Variants in WDFY4 observed in about 807,000 individuals in gnomAD.
WDFY4 encodes the protein WDFY family member 4.
WDFY4 carries 169 observed loss-of-function variants against 351.9 expected under a neutral mutation model. That is an observed-to-expected ratio of 0.48 (90% CI 0.42 to 0.55). WDFY4 has a LOEUF of 0.55. WDFY4 is among the 20% of genes least tolerant of loss of function. The pLI, the probability that WDFY4 is intolerant of heterozygous loss-of-function variation, is 0.00. For missense variants in WDFY4, 3,803 were observed against 3,935.6 expected, an observed-to-expected ratio of 0.97 and a Z score of 0.90; for synonymous variants, 1,622 against 1,574.6, an observed-to-expected ratio of 1.03 and a Z score of -0.71.
At chr10:48,706,552 A>G (rs567845766) in intron 1 of WDFY4, among the ~76,000 whole-genome samples, 57 of 152,226 alleles carry the variant, frequency 3.7e-4, no homozygotes, top group Admixed American at 6.5e-4. Context: ...GGTTAAAAAA[A>G]AGGGTAATAA....
chr10:48,850,161 T>C (rs1360847398), intron 39 of WDFY4, among the ~76,000 whole-genome samples: 3 of 152,346 alleles, frequency 2.0e-5, no homozygotes, highest in South Asian at 2.1e-4. Flanking sequence ...GATTCCTCTA[T>C]GGTAAAGTTA....
At chr10:48,786,964 G>C in intron 20 of WDFY4, 94 bp downstream of exon 20, 1 of 1,133,836 alleles carries the variant, frequency 8.8e-7, no homozygotes, top group Admixed American at 2.4e-5. Flanking sequence ...AATAAGCTCA[G>C]CGTTAAAGTC....
chr10:48,939,593 G>A (rs1840642125), intron 47 of WDFY4, among the ~76,000 whole-genome samples: 1 of 152,210 alleles, frequency 6.6e-6, no homozygotes. Context: ...GATAATGATG[G>A]ATGATGGATG....
chr10:48,761,276 A>T (rs1290633013), intron 13 of WDFY4, among the ~76,000 whole-genome samples: 1 of 152,172 alleles, frequency 6.6e-6, no homozygotes, highest in Non-Finnish European at 1.5e-5. Flanking sequence ...GAGCCTTGCC[A>T]ATGTAAATGA....
At chr10:48,843,653 G>A (rs1445212451) in intron 39 of WDFY4, among the ~76,000 whole-genome samples, 1 of 152,154 alleles carries the variant, frequency 6.6e-6, no homozygotes, top group African/African-American at 2.4e-5. Flanking sequence ...AGGAATACTG[G>A]GTTGAATCCT....
intron 55 of WDFY4, chr10:48,966,926 TAC>T: frequency 3.9e-6 from 2 of 511,634 alleles, no homozygotes; most frequent in South Asian, 2.9e-5. Flanking sequence ...CTCACACACA[TAC>T]ACACACAGAC....
chr10:48,968,423 C>T (rs573941809), intron 55 of WDFY4: 1 of 153,018 alleles, frequency 6.5e-6, no homozygotes, highest in East Asian at 1.9e-4. Context: ...TGGAGCCTTT[C>T]CTGAATCCTG....
At chr10:48,882,747 C>G (rs558202186) in intron 43 of WDFY4, among the ~76,000 whole-genome samples, 1 of 152,154 alleles carries the variant, frequency 6.6e-6, no homozygotes, top group Non-Finnish European at 1.5e-5. Flanking sequence ...TCTCGGAGAA[C>G]TCATTCATTA....
chr10:48,897,068 C>A (rs1837114387), intron 44 of WDFY4, among the ~76,000 whole-genome samples: 1 of 152,124 alleles, frequency 6.6e-6, no homozygotes, highest in Non-Finnish European at 1.5e-5. Context: ...CGCACAGGAC[C>A]CATGAAGCCC....
chr10:48,779,911 G>C, intron 18 of WDFY4, 30 bp from the exon 19 acceptor site: 10 of 1,550,360 alleles, frequency 6.5e-6, no homozygotes, highest in Non-Finnish European at 7.8e-6. Flanking sequence ...AGCACCACAC[G>C]TGAGACTCAG....
At chr10:48,696,200 G>A (rs564178918) in intron 1 of WDFY4, among the ~76,000 whole-genome samples, 17 of 152,318 alleles carry the variant, frequency 1.1e-4, no homozygotes, top group African/African-American at 3.6e-4. Flanking sequence ...GGGGACACTC[G>A]CTGACTGGTG....
chr10:48,729,373 C>A, intron 7 of WDFY4, 59 bp from the exon 8 acceptor site: 5 of 1,536,820 alleles, frequency 3.3e-6, no homozygotes, highest in East Asian at 2.4e-5. Flanking sequence ...GAGCACCATG[C>A]ACGCATGTGG....
chr10:48,946,993 C>T (rs997705370), intron 51 of WDFY4, 24 bp downstream of exon 51: 2 of 537,462 alleles, frequency 3.7e-6, no homozygotes, highest in Admixed American at 4.0e-5. Context: ...ACTCTCTGTA[C>T]ACACACACAC....
intron 2 of WDFY4, among the ~76,000 whole-genome samples, chr10:48,710,459 G>A (rs1025125827): frequency 6.6e-6 from 1 of 152,160 alleles, no homozygotes; most frequent in African/African-American, 2.4e-5. Context: ...GACAAGCAAG[G>A]CTCATTTCTA....
At chr10:48,935,751 G>A (rs1388449376) in intron 47 of WDFY4, among the ~76,000 whole-genome samples, 1 of 152,116 alleles carries the variant, frequency 6.6e-6, no homozygotes, top group Non-Finnish European at 1.5e-5. Context: ...TCTCTTACTT[G>A]ATTGTATGTC....
Position 48,803,382 on chromosome 10 carries a change from G to T in WDFY4, c.4484+23G>T, listed in dbSNP as rs201872209. 5.5e-5 allele frequency: 85 copies of T among 1,550,136 alleles called. No individual in the cohort carries two copies. The South Asian group carries it at 9.9e-4, about 18-fold the overall frequency. On this transcript the variant is annotated intron_variant, in intron 25 of 61. Coordinates refer to ENST00000325239, the MANE Select transcript of WDFY4 (RefSeq NM_001394531.1). The stretch of plus-strand genomic sequence containing the variant: ...AAGGTAGGCTGGGTCTTGGCAGCCT[G>T]GGGGTTAGAACTGAAGGCTGAATGT...
chr10:48,972,413 AT>A (rs1214440731), intron 57 of WDFY4, among the ~76,000 whole-genome samples: 3 of 152,220 alleles, frequency 2.0e-5, no homozygotes, highest in Admixed American at 2.0e-4. Context: ...AGATATACAT[AT>A]TTATATCTTT....
At position 48,806,126 on chromosome 10, in the gene WDFY4, T is replaced by C. The variant is rs760511428; in HGVS notation, c.4738+31T>C. 10 of 1,547,286 alleles carry C rather than the reference T, an allele frequency of 6.5e-6. No homozygotes were observed. In the South Asian group the frequency reaches 9.5e-5, roughly 15 times the overall value. ...AAGACCTTTGCCAGTTCGAAGGCAG[T>C]AGGACGGCCCTCACGGAACCCCTGA... is the stretch of plus-strand genomic sequence containing the variant. On this transcript the variant is annotated intron_variant, in intron 27 of 61. Coordinates refer to ENST00000325239, the MANE Select transcript of WDFY4 (RefSeq NM_001394531.1).
At chr10:48,868,915 G>A (rs2069654381) in intron 40 of WDFY4, among the ~76,000 whole-genome samples, 1 of 152,092 alleles carries the variant, frequency 6.6e-6, no homozygotes, top group Non-Finnish European at 1.5e-5. Flanking sequence ...CAGAAGGAAG[G>A]GATCCAGCCA....
Sources: allele counts gnomAD v4.1 joint callset (sites outside exome capture counted in the v4.1 genomes callset), GRCh38; gene constraint gnomAD v4.1.1; transcripts MANE v1.5; gene names NCBI Gene and HGNC (gene_info 2026-07-23, HGNC 2026-07-21).